Variants in CPAP observed in about 807,000 individuals in gnomAD.
CPAP encodes the protein centrosome assembly and centriole elongation protein.
At chr13:24,903,855 G>A in the CPAP span, 5 of 1,437,600 alleles carry the variant, frequency 3.5e-6, no homozygotes, top group East Asian at 9.1e-5. Context: ...GTTTCAGACT[G>A]TTTATAGATG....
At chr13:24,926,629 G>A in the CPAP span, among the ~76,000 whole-genome samples, 1 of 152,094 alleles carries the variant, frequency 6.6e-6, no homozygotes, top group Non-Finnish European at 1.5e-5. Context: ...AGGTAAAGGT[G>A]CCACAGAGGA....
At chr13:24,912,294 T>C in the CPAP span, among the ~76,000 whole-genome samples, 1 of 152,174 alleles carries the variant, frequency 6.6e-6, no homozygotes, top group Non-Finnish European at 1.5e-5. Context: ...GTCATATAAA[T>C]CCTTTGATTG....
At chr13:24,888,719 C>G in the CPAP span, among the ~76,000 whole-genome samples, 10 of 152,140 alleles carry the variant, frequency 6.6e-5, no homozygotes, top group African/African-American at 7.2e-5. Context: ...ATCATGCAAA[C>G]CTAATTGCCC....
the CPAP span, among the ~76,000 whole-genome samples, chr13:24,915,985 A>T: frequency 6.6e-6 from 1 of 152,230 alleles, no homozygotes; most frequent in East Asian, 1.9e-4. Flanking sequence ...GAGAACTTCA[A>T]TGAGAGTAGC....
chr13:24,894,720 G>T, the CPAP span, among the ~76,000 whole-genome samples: 3 of 152,136 alleles, frequency 2.0e-5, no homozygotes, highest in Non-Finnish European at 2.9e-5. Context: ...GACAGAAGGC[G>T]GAGGCGGAGG....
At chr13:24,911,988 C>G in the CPAP span, 8 of 1,614,192 alleles carry the variant, frequency 5.0e-6, no homozygotes, top group South Asian at 8.8e-5. Context: ...AGCAGCTTCT[C>G]TTGTTCTTCC....
chr13:24,930,261 G>A, the CPAP span, among the ~76,000 whole-genome samples: 1 of 151,584 alleles, frequency 6.6e-6, no homozygotes, highest in Non-Finnish European at 1.5e-5. Context: ...CATAATTTCT[G>A]TTTGGTTCCT....
chr13:24,913,563 T>C, the CPAP span, among the ~76,000 whole-genome samples: 2 of 152,208 alleles, frequency 1.3e-5, no homozygotes, highest in Admixed American at 6.5e-5. Context: ...CACCTGTCCC[T>C]TCCTCTCTCG....
chr13:24,894,481 C>A, the CPAP span, among the ~76,000 whole-genome samples: 1 of 152,210 alleles, frequency 6.6e-6, no homozygotes, highest in Admixed American at 6.5e-5. Context: ...AGTGGCTCCA[C>A]AGGGGCCGTG....
the CPAP span, among the ~76,000 whole-genome samples, chr13:24,910,799 T>C: frequency 3.3e-5 from 5 of 152,244 alleles, no homozygotes; most frequent in Non-Finnish European, 5.9e-5. Flanking sequence ...TTTGTATGTA[T>C]TCCATAAAGA....
chr13:24,885,928 C>T, the CPAP span: 5 of 497,870 alleles, frequency 1.0e-5, no homozygotes, highest in Non-Finnish European at 1.8e-5. Context: ...GCCTGACAGA[C>T]CCAAATGTAT....
chr13:24,895,491 T>C, the CPAP span, among the ~76,000 whole-genome samples: 1 of 150,796 alleles, frequency 6.6e-6, no homozygotes, highest in Admixed American at 6.6e-5. Flanking sequence ...GGCAGGAGAA[T>C]GGCGTGAAGC....
At chr13:24,894,715 A>G in the CPAP span, among the ~76,000 whole-genome samples, 1 of 152,100 alleles carries the variant, frequency 6.6e-6, no homozygotes, top group Non-Finnish European at 1.5e-5. Flanking sequence ...GAGGAGACAG[A>G]AGGCGGAGGC....
the CPAP span, among the ~76,000 whole-genome samples, chr13:24,929,354 G>C: frequency 1.3e-5 from 2 of 152,180 alleles, no homozygotes; most frequent in South Asian, 2.1e-4. Flanking sequence ...GAGTTACTGC[G>C]CCTGTCATCT....
chr13:24,885,141 C>T, the CPAP span: 2,495 of 668,506 alleles, frequency 3.7e-3, 48 homozygotes, highest in African/African-American at 0.035. Context: ...CCGCCTTTTG[C>T]TGAATCTCTG....
chr13:24,887,583 C>T, the CPAP span, among the ~76,000 whole-genome samples: 1 of 152,148 alleles, frequency 6.6e-6, no homozygotes, highest in African/African-American at 2.4e-5. Context: ...CAGATGGGAC[C>T]ATCTAATTGC....
the CPAP span, among the ~76,000 whole-genome samples, chr13:24,921,472 C>T: frequency 1.4e-4 from 22 of 152,290 alleles, no homozygotes; most frequent in East Asian, 3.5e-3. Context: ...TTGACTTCAA[C>T]AACTGGGAAG....
At chr13:24,917,701 C>T in the CPAP span, among the ~76,000 whole-genome samples, 1 of 152,132 alleles carries the variant, frequency 6.6e-6, no homozygotes, top group Non-Finnish European at 1.5e-5. Context: ...TATCTTGGTC[C>T]ATTTTCTGCT....
chr13:24,891,364 C>G, the CPAP span, among the ~76,000 whole-genome samples: 953 of 152,200 alleles, frequency 6.3e-3, 4 homozygotes, highest in Non-Finnish European at 0.01. Flanking sequence ...CCAACTGGAG[C>G]CTGTGCTGTC....
Sources: allele counts gnomAD v4.1 joint callset (sites outside exome capture counted in the v4.1 genomes callset), GRCh38; gene constraint gnomAD v4.1.1; transcripts MANE v1.5; gene names NCBI Gene and HGNC (gene_info 2026-07-23, HGNC 2026-07-21).